WWOX: variants seen among roughly 807,000 people sequenced by gnomAD.
WWOX encodes WW domain containing oxidoreductase.
Under a neutral mutation model 46.2 loss-of-function variants are expected in WWOX, and 69 were observed. The observed-to-expected ratio is 1.49, with a 90% CI of 1.23 to 1.82. The LOEUF is 1.82. Ranked by LOEUF, WWOX falls within the 40% of genes most tolerant of loss-of-function variation. The pLI is 0.00. For synonymous variants in WWOX, 359 were observed against 202.6 expected (o/e 1.77, Z -6.56); for missense variants, 919 against 542.6 (o/e 1.69, Z -6.89).
intron 8 of WWOX, among the ~76,000 whole-genome samples, chr16:79,141,936 T>G (rs2050097846): frequency 6.6e-6 from 1 of 152,176 alleles, no homozygotes; most frequent in Non-Finnish European, 1.5e-5. Context: ...CTCCAGTGCT[T>G]CTTGGCTATT....
chr16:78,599,649 A>T (rs918445031), intron 8 of WWOX, among the ~76,000 whole-genome samples: 1 of 152,178 alleles, frequency 6.6e-6, no homozygotes, highest in Non-Finnish European at 1.5e-5. Flanking sequence ...TTTGCTCCCG[A>T]GTCTCAGAGC....
intron 8 of WWOX, among the ~76,000 whole-genome samples, chr16:78,828,212 C>T (rs904674276): frequency 1.3e-5 from 2 of 152,282 alleles, no homozygotes; most frequent in South Asian, 4.2e-4. Flanking sequence ...ACTTCAAGAC[C>T]TGGCTTCTGC....
intron 8 of WWOX, among the ~76,000 whole-genome samples, chr16:78,837,598 C>T (rs1023333094): frequency 6.6e-5 from 10 of 152,016 alleles, no homozygotes; most frequent in African/African-American, 2.4e-4. Context: ...TTAATACAGA[C>T]CTCTTAGGCG....
At chr16:78,308,819 C>T (rs1050283312) in intron 5 of WWOX, among the ~76,000 whole-genome samples, 9 of 152,148 alleles carry the variant, frequency 5.9e-5, no homozygotes, top group Non-Finnish European at 1.3e-4. Flanking sequence ...TCTACTGATG[C>T]CAGGTGTTTA....
intron 8 of WWOX, among the ~76,000 whole-genome samples, chr16:78,771,372 A>T (rs1361628399): frequency 6.6e-6 from 1 of 152,206 alleles, no homozygotes; most frequent in Non-Finnish European, 1.5e-5. Flanking sequence ...ATATATGTTC[A>T]AAGGTGGTTA....
At position 78,634,791 on chromosome 16, in the gene WWOX, T is replaced by C. The variant is rs986313655; in HGVS notation, c.1056+202039T>C. Among the ~76,000 whole-genome samples, 48 of 148,780 alleles carry C rather than the reference T, an allele frequency of 3.2e-4. 1 individual carries two copies. The highest frequency in any genetic ancestry group is 3.5e-3 in the Middle Eastern group (1 of 288). ...GGAATGAAGCTGAGGGCCAATAGTT[T>C]AGAGGCTCAGCACCCGACTGGAGAG... On this transcript the variant is annotated intron_variant, in intron 8 of 8. Transcript: ENST00000566780.
chr16:78,964,390 T>C (rs1427284769), intron 8 of WWOX, among the ~76,000 whole-genome samples: 2 of 152,130 alleles, frequency 1.3e-5, no homozygotes, highest in African/African-American at 4.8e-5. Context: ...AGGTGACTCT[T>C]GTTATGTTTT....
intron 8 of WWOX, among the ~76,000 whole-genome samples, chr16:78,569,950 T>C (rs1218900692): frequency 6.6e-6 from 1 of 152,234 alleles, no homozygotes; most frequent in Non-Finnish European, 1.5e-5. Flanking sequence ...CCTCTTTGAA[T>C]TTCACATGTG....
In WWOX at chr16:78,547,311, A is replaced by G. The variant is rs574796518; in HGVS notation, c.1056+114559A>G. 6.5e-4 allele frequency among the ~76,000 whole-genome samples: 99 copies of G among 152,198 alleles called. 2 individuals are homozygous for G. The South Asian group carries it at 0.02, about 30-fold the overall frequency. On this transcript the variant is annotated intron_variant, in intron 8 of 8. Transcript: ENST00000566780. ...TTAATACAATTCTACTAGAGGGGGC[A>G]CTATTAGTATCCCCAATTTACAGAT...
At chr16:78,900,028 G>A (rs973166467) in intron 8 of WWOX, among the ~76,000 whole-genome samples, 28 of 149,986 alleles carry the variant, frequency 1.9e-4, no homozygotes, top group East Asian at 1.6e-3. Context: ...CTACCAAAAC[G>A]GAGATGTGCA....
chr16:78,914,595 C>T (rs1156939272), intron 8 of WWOX, among the ~76,000 whole-genome samples: 1 of 151,774 alleles, frequency 6.6e-6, no homozygotes, highest in Non-Finnish European at 1.5e-5. Flanking sequence ...AAGAGGGAAA[C>T]CAGGCCGGGA....
rs2038233850 is a variant in WWOX at position 78,259,941 on chromosome 16, TGCATAGGATAAA to T, written c.516+95653_516+95664del. On this transcript the variant is annotated intron_variant, in intron 5 of 8. Transcript: ENST00000566780. ...TGAGTTATTTTATGATGATCTAAAC[TGCATAGGATAAA>T]ATCCTATGCAGTTTACAGAAATGTA... is the stretch of plus-strand genomic sequence containing the variant. Among the ~76,000 whole-genome samples, 5 of 151,468 alleles carry T rather than the reference TGCATAGGATAAA, an allele frequency of 3.3e-5. No individual in the cohort carries two copies. In the South Asian group the frequency reaches 1.0e-3, roughly 31 times the overall value.
intron 8 of WWOX, among the ~76,000 whole-genome samples, chr16:78,957,630 A>G (rs988688834): frequency 4.6e-5 from 7 of 152,170 alleles, no homozygotes; most frequent in Admixed American, 6.5e-5. Flanking sequence ...GATAGATTCT[A>G]TCTCTAAAAA....
At chr16:78,539,976 C>G (rs374595848) in intron 8 of WWOX, among the ~76,000 whole-genome samples, 10 of 148,938 alleles carry the variant, frequency 6.7e-5, no homozygotes, top group East Asian at 4.0e-4. Context: ...GCTCCCCTTT[C>G]CAATACATCT....
chr16:78,470,430 A>G (rs2084193799), intron 8 of WWOX, among the ~76,000 whole-genome samples: 1 of 152,246 alleles, frequency 6.6e-6, no homozygotes, highest in Non-Finnish European at 1.5e-5. Flanking sequence ...GGAGATAACC[A>G]GAAATAACTA....
chr16:79,050,928 G>C (rs144981510), intron 8 of WWOX, among the ~76,000 whole-genome samples: 65 of 152,322 alleles, frequency 4.3e-4, no homozygotes, highest in African/African-American at 1.6e-3. Flanking sequence ...AAGTGGTTGA[G>C]GAGAAACGAG....
At chr16:78,327,283 G>T (rs1236132479) in intron 5 of WWOX, among the ~76,000 whole-genome samples, 3 of 152,162 alleles carry the variant, frequency 2.0e-5, no homozygotes, top group African/African-American at 7.2e-5. Context: ...AGGCTGGCTT[G>T]ATTTCTTTGC....
intron 5 of WWOX, among the ~76,000 whole-genome samples, chr16:78,218,481 T>C (rs1411748507): frequency 6.6e-6 from 1 of 152,126 alleles, no homozygotes; most frequent in Non-Finnish European, 1.5e-5. Flanking sequence ...GCCAGGAGGC[T>C]GTTGGTTGAC....
chr16:78,859,304 C>T (rs541232320), intron 8 of WWOX, among the ~76,000 whole-genome samples: 123 of 151,610 alleles, frequency 8.1e-4, no homozygotes, highest in Non-Finnish European at 1.6e-3. Context: ...GATTTTTCCC[C>T]CCTGCTGAAT....
Sources: gnomAD v4.1 joint callset for allele counts (sites outside exome capture counted in the v4.1 genomes callset) on GRCh38, gnomAD v4.1.1 for gene constraint, MANE v1.5 for transcripts, NCBI Gene and HGNC (gene_info 2026-07-23, HGNC 2026-07-21) for gene names.